The following FOXK1 variants were observed in gnomAD, a reference collection of about 807,000 sequenced individuals.
FOXK1 encodes forkhead box K1.
Under a neutral mutation model 51.9 loss-of-function variants are expected in FOXK1, and 19 were observed. The observed-to-expected ratio is 0.37, with a 90% CI of 0.26 to 0.54. The LOEUF is 0.54. Among genes scored for constraint, FOXK1 ranks in the 20% least tolerant of loss-of-function variants. The probability of loss-of-function intolerance (pLI) is 0.87; values close to 1 mark genes in which losing one functional copy is unlikely to be tolerated. For synonymous variants in FOXK1, 537 were observed against 482.6 expected (o/e 1.11, Z -1.48); for missense variants, 870 against 1,032.7 (o/e 0.84, Z 2.16).
At chr7:4,686,988 A>G (rs1184534268) in intron 1 of FOXK1, among the ~76,000 whole-genome samples, 2 of 148,932 alleles carry the variant, frequency 1.3e-5, no homozygotes, top group Admixed American at 1.3e-4. Flanking sequence ...GCTGGAGTGC[A>G]GTGGCGCGAA....
chr7:4,689,418 A>T (rs1479597057), intron 1 of FOXK1, among the ~76,000 whole-genome samples: 1 of 152,194 alleles, frequency 6.6e-6, no homozygotes, highest in Non-Finnish European at 1.5e-5. Context: ...CAGAAAAAGT[A>T]ATTGTAACCA....
Position 4,715,361 on chromosome 7 carries a change from G to A in FOXK1, c.561-25477G>A, listed in dbSNP as rs1020959693. On this transcript the variant is annotated intron_variant, in intron 1 of 8. Coordinates refer to ENST00000328914, the MANE Select transcript of FOXK1 (RefSeq NM_001037165.2). This position sits in a 1 kb window ranked among gnomAD's most constrained non-coding sequence, Gnocchi z 4.5. Reference sequence around the variant, plus strand: ...AGGATCAAGCCCAAGTGTTCAGGGCGCTCAGCTGTGGGTGGCCCGTGTACA... The same window carrying A: ...AGGATCAAGCCCAAGTGTTCAGGGCACTCAGCTGTGGGTGGCCCGTGTACA... Among the ~76,000 whole-genome samples, 3 of 152,132 alleles carry A rather than the reference G, an allele frequency of 2.0e-5. No homozygotes were observed. Among genetic ancestry groups the A allele is most frequent in the Non-Finnish European group, 2.9e-5 (2 of 68,022 alleles).
At position 4,740,983 on chromosome 7, in the gene FOXK1, A is replaced by G. The variant is rs1031207901; in HGVS notation, c.706A>G (p.Ser236Gly). The G allele has an allele frequency of 1.9e-6, 3 of 1,560,136 alleles. No individual in the cohort carries two copies. The highest frequency in any genetic ancestry group is 2.6e-6 in the Non-Finnish European group (3 of 1,158,356). Residue 236 changes from serine to glycine, a missense_variant, in exon 2 of 9, where the codon AGC becomes GGC. Coordinates refer to ENST00000328914, the MANE Select transcript of FOXK1 (RefSeq NM_001037165.2). ...KIHIPEPDLR[S>G]MVSPVPSPTG... ...CCACATCCCGGAGCCGGACCTCCGG[A>G]GCATGGTCAGCCCCGTCCCCTCCCC... is the stretch of plus-strand genomic sequence containing the variant.
chr7:4,702,404 G>A (rs1583185410), intron 1 of FOXK1, among the ~76,000 whole-genome samples: 1 of 152,074 alleles, frequency 6.6e-6, no homozygotes, highest in African/African-American at 2.4e-5. Context: ...GTGCAATGGT[G>A]CAATCTTGGC....
intron 1 of FOXK1, among the ~76,000 whole-genome samples, chr7:4,740,274 T>C (rs7786572): frequency 0.087 from 13,254 of 151,514 alleles, 1,013 homozygotes; most frequent in African/African-American, 0.21. Flanking sequence ...ACTAAAAATA[T>C]AAAAAATTAG....
In FOXK1 at chr7:4,743,037, C is replaced by T. The variant is rs919092275; in HGVS notation, c.746+2014C>T. 4.6e-5 allele frequency among the ~76,000 whole-genome samples: 7 copies of T among 152,194 alleles called. No individual in the cohort carries two copies. Among genetic ancestry groups the T allele is most frequent in the South Asian group, 4.1e-4 (2 of 4,822 alleles). ...CGGTCACTTCAGCCCCCCACCTTCCCGGGCCCGGTTCCCGTCTGAGTCAGT... is the reference window on the plus strand; with the variant it reads ...CGGTCACTTCAGCCCCCCACCTTCCTGGGCCCGGTTCCCGTCTGAGTCAGT... On this transcript the variant is annotated intron_variant, in intron 2 of 8. Transcript: ENST00000328914. This position sits in a 1 kb window ranked among gnomAD's most constrained non-coding sequence, Gnocchi z 5.3.
chr7:4,682,681 A>T lies in FOXK1; in HGVS notation c.373A>T (p.Ile125Phe). ...EFLMRQPSVT[I>F]GRNSSQGSVD... ...CCTCATGCGCCAGCCCAGCGTCACC[A>T]TCGGCCGCAACTCGTCGCAGGGCTC... The change falls in exon 1 of 9, where the codon ATC becomes TTC. Residue 125 changes from isoleucine to phenylalanine, a missense_variant. Physicochemically the swap from Ile to Phe is conservative, Grantham distance 21 (BLOSUM62 0). This residue lies in a region of FOXK1 where 399 missense variants were observed against 475.6 expected (regional missense o/e 0.84). Transcript: ENST00000328914. This position sits in a 1 kb window ranked among gnomAD's most constrained non-coding sequence, Gnocchi z 7.6. 1.9e-6 allele frequency: 3 copies of T among 1,598,162 alleles called. No individual in the cohort carries two copies. Among genetic ancestry groups the T allele is most frequent in the Non-Finnish European group, 2.5e-6 (3 of 1,176,608 alleles).
intron 1 of FOXK1, 84 bp from the exon 2 acceptor site, chr7:4,740,754 C>T (rs1188824354): frequency 2.9e-6 from 4 of 1,387,710 alleles, no homozygotes; most frequent in Non-Finnish European, 3.9e-6. Flanking sequence ...GTTACTTAGA[C>T]ACACAGACAC....
In FOXK1 at chr7:4,749,525, CT is replaced by C. The variant is rs1780748189; in HGVS notation, c.747-4932del. ...AAAGGTCATCGCAGACCCCCGCAGC[CT>C]TCTCGCCCCTCCACTGCCCACAAGG... On this transcript the variant is annotated intron_variant, in intron 2 of 8. Transcript: ENST00000328914. The surrounding 1 kb of genome is among the most constrained non-coding windows in gnomAD (Gnocchi z 6.0). Among the ~76,000 whole-genome samples the C allele has an allele frequency of 6.6e-6, 1 of 152,212 alleles. No homozygotes were observed. Among genetic ancestry groups the C allele is most frequent in the Admixed American group, 6.5e-5 (1 of 15,278 alleles).
At position 4,761,674 on chromosome 7, in the gene FOXK1, G is replaced by A. The variant is rs1583214031; in HGVS notation, c.1921+386G>A. On this transcript the variant is annotated intron_variant, in intron 8 of 8. Coordinates refer to ENST00000328914, the MANE Select transcript of FOXK1 (RefSeq NM_001037165.2). This position sits in a 1 kb window ranked among gnomAD's most constrained non-coding sequence, Gnocchi z 6.2. ...ATTGCTCCGCTACCTGCCAGCCTGG[G>A]TGACTGAGCGAGACCCTGTCCCTTT... 6.6e-6 allele frequency among the ~76,000 whole-genome samples: 1 copy of A among 152,222 alleles called. No homozygotes were observed. Among genetic ancestry groups the A allele is most frequent in the East Asian group, 1.9e-4 (1 of 5,164 alleles).
intron 1 of FOXK1, among the ~76,000 whole-genome samples, chr7:4,692,554 G>A (rs1347515253): frequency 1.3e-5 from 2 of 150,118 alleles, no homozygotes; most frequent in African/African-American, 4.9e-5. Context: ...GTGCCACCAC[G>A]CCCAGCTAAT....
chr7:4,699,137 A>G (rs1363474136), intron 1 of FOXK1, among the ~76,000 whole-genome samples: 5 of 152,098 alleles, frequency 3.3e-5, no homozygotes, highest in African/African-American at 1.2e-4. Flanking sequence ...CTTCTTTGTC[A>G]TTACTGACCT....
rs1211019149 is a variant in FOXK1 at position 4,743,060 on chromosome 7, A to G, written c.746+2037A>G. 6.6e-6 allele frequency among the ~76,000 whole-genome samples: 1 copy of G among 152,180 alleles called. No individual in the cohort carries two copies. Among genetic ancestry groups the G allele is most frequent in the Admixed American group, 6.5e-5 (1 of 15,276 alleles). On this transcript the variant is annotated intron_variant, in intron 2 of 8. Transcript: ENST00000328914. The surrounding 1 kb of genome is among the most constrained non-coding windows in gnomAD (Gnocchi z 5.3). ...CCCGGGCCCGGTTCCCGTCTGAGTC[A>G]GTGCTGTGACGTCATGACCCTCTGG...
rs1780749097 is a variant in FOXK1 at position 4,749,575 on chromosome 7, G to A, written c.747-4884G>A. Among the ~76,000 whole-genome samples, 1 of 152,166 alleles carries A rather than the reference G, an allele frequency of 6.6e-6. No individual in the cohort carries two copies. The highest frequency in any genetic ancestry group is 2.4e-5 in the African/African-American group (1 of 41,450). On this transcript the variant is annotated intron_variant, in intron 2 of 8. Transcript: ENST00000328914. The surrounding 1 kb of genome is among the most constrained non-coding windows in gnomAD (Gnocchi z 6.0). ...GGCTCCGTCGCAGCTCCTTCCTCCAGCCCCTCCAGGCGGGTCCCTCTGTGT... is the reference window on the plus strand; with the variant it reads ...GGCTCCGTCGCAGCTCCTTCCTCCAACCCCTCCAGGCGGGTCCCTCTGTGT...
chr7:4,706,798 G>A (rs1358908036), intron 1 of FOXK1, among the ~76,000 whole-genome samples: 1 of 152,142 alleles, frequency 6.6e-6, no homozygotes, highest in Admixed American at 6.5e-5. Flanking sequence ...CCAGGTCATC[G>A]CTGACCCCGG....
intron 1 of FOXK1, among the ~76,000 whole-genome samples, chr7:4,706,969 C>T (rs1321187891): frequency 1.3e-5 from 2 of 152,232 alleles, no homozygotes; most frequent in Admixed American, 1.3e-4. Flanking sequence ...GGCCACTTCC[C>T]TCTACCCTTG....
intron 1 of FOXK1, among the ~76,000 whole-genome samples, chr7:4,740,159 G>T (rs1039583386): frequency 1.3e-5 from 2 of 152,022 alleles, no homozygotes; most frequent in Non-Finnish European, 2.9e-5. Flanking sequence ...GGCCAGGCGC[G>T]GTGGCTCACG....
intron 1 of FOXK1, among the ~76,000 whole-genome samples, chr7:4,705,902 A>C (rs888968935): frequency 1.3e-5 from 2 of 149,454 alleles, no homozygotes; most frequent in African/African-American, 4.9e-5. Flanking sequence ...CTCAGCTTTT[A>C]GGTTATATAT....
At chr7:4,721,589 C>CTTTTT (rs200132324) in intron 1 of FOXK1, among the ~76,000 whole-genome samples, 6 of 112,646 alleles carry the variant, frequency 5.3e-5, no homozygotes, top group South Asian at 2.7e-4. Flanking sequence ...TCTTTTTTTT[C>CTTTTT]TTTTTTTTTT....
Sources: allele counts gnomAD v4.1 joint callset (sites outside exome capture counted in the v4.1 genomes callset), GRCh38; gene constraint gnomAD v4.1.1; regional missense constraint gnomAD v4.1.1; non-coding constraint Gnocchi (gnomAD v3.1); transcripts MANE v1.5; gene names NCBI Gene and HGNC (gene_info 2026-07-23, HGNC 2026-07-21).